CFAP74: variants seen among roughly 807,000 people sequenced by gnomAD.
The protein encoded by CFAP74 is cilia and flagella associated protein 74, also known as cilia- and flagella-associated protein 74.
Under a neutral mutation model 188.9 loss-of-function variants are expected in CFAP74, and 124 were observed. The ratio of observed to expected loss-of-function variants is 0.66; its 90% CI spans 0.57 to 0.76. CFAP74 has a LOEUF of 0.76. Among genes scored for constraint, CFAP74 ranks in the 30% least tolerant of loss-of-function variants. The pLI is 0.00. For synonymous variants in CFAP74, 956 were observed against 916.7 expected, an observed-to-expected ratio of 1.04 and a Z score of -0.77; for missense variants, 2,198 against 2,165.2, an observed-to-expected ratio of 1.02 and a Z score of -0.30.
Position 1,966,442 on chromosome 1 carries a change from T to C in CFAP74, c.1330A>G (p.Ser444Gly). ...TCAGCTAACGTTTCCTCCTCTGAGC[T>C]GGCCCCGGGGTCCCCCTGGATAAGC... ...SELIQGDPGA[S>G]SEEETLAEPE... The change falls in exon 12 of 39, where the codon AGC (serine) becomes GGC (glycine). Residue 444 changes from serine (S) to glycine (G), a missense_variant. Physicochemically the swap from Ser to Gly is moderately conservative, Grantham distance 56. Coordinates refer to ENST00000682832, the MANE Select transcript of CFAP74 (RefSeq NM_001304360.2). 1 of 1,606,764 alleles carries C rather than the reference T, an allele frequency of 6.2e-7. No homozygotes were observed.
intron 27 of CFAP74, 73 bp from the exon 28 acceptor site, chr1:1,927,819 T>C: frequency 6.8e-7 from 1 of 1,469,846 alleles, no homozygotes; most frequent in Non-Finnish European, 9.1e-7. Context: ...GTGGCTCCTC[T>C]GCGGCCAGTG....
chr1:1,926,153 C>T (rs1557984274), intron 32 of CFAP74, 75 bp downstream of exon 32: 4 of 1,456,162 alleles, frequency 2.7e-6, no homozygotes, highest in East Asian at 2.5e-5. Flanking sequence ...GTGATGCCCG[C>T]CCCGGCCAGT....
At chr1:1,960,174 G>A (rs925898772) in intron 14 of CFAP74, 144 bp from the exon 15 acceptor site, 2 of 687,080 alleles carry the variant, frequency 2.9e-6, no homozygotes, top group African/African-American at 3.8e-5. Flanking sequence ...CTTCACCCCG[G>A]GGAGTGCTGG....
Position 1,966,441 on chromosome 1 carries a change from C to G in CFAP74, c.1331G>C (p.Ser444Thr). The G allele has an allele frequency of 6.2e-7, 1 of 1,606,740 alleles. No individual in the cohort carries two copies. Among genetic ancestry groups the G allele is most frequent in the Non-Finnish European group, 8.5e-7 (1 of 1,175,950 alleles). Reference protein sequence around the residue: ...SELIQGDPGASSEEETLAEPE... With the variant: ...SELIQGDPGATSEEETLAEPE... The stretch of plus-strand genomic sequence containing the variant: ...CTCAGCTAACGTTTCCTCCTCTGAG[C>G]TGGCCCCGGGGTCCCCCTGGATAAG... The change falls in exon 12 of 39, where the codon AGC (serine) becomes ACC (threonine). Residue 444 changes from serine to threonine, a missense_variant. Transcript: ENST00000682832.
chr1:1,966,625 C>G, intron 11 of CFAP74, 99 bp from the exon 12 acceptor site: 1 of 1,160,402 alleles, frequency 8.6e-7, no homozygotes, highest in Non-Finnish European at 1.1e-6. Context: ...CGCTGCCTGC[C>G]CCCGTTCTTC....
At chr1:1,992,627 C>T (rs962518113) in intron 1 of CFAP74, among the ~76,000 whole-genome samples, 3 of 151,832 alleles carry the variant, frequency 2.0e-5, no homozygotes, top group African/African-American at 4.8e-5. Flanking sequence ...GCGCCCACCA[C>T]TACGCCCAGC....
intron 10 of CFAP74, among the ~76,000 whole-genome samples, 182 bp downstream of exon 10, chr1:1,970,477 C>T (rs1321255681): frequency 6.6e-6 from 1 of 152,186 alleles, no homozygotes; most frequent in Non-Finnish European, 1.5e-5. Context: ...CAGGCTGAGT[C>T]AGGCCCAGGC....
At position 1,926,943 on chromosome 1, in the gene CFAP74, C is replaced by T. The variant is rs1402208139; in HGVS notation, c.3613G>A (p.Ala1205Thr). The T allele has an allele frequency of 4.5e-6, 7 of 1,550,140 alleles. No individual in the cohort carries two copies. The East Asian group carries it at 1.7e-4, about 38-fold the overall frequency. Residue 1205 changes from alanine (A) to threonine (T), a missense_variant, in exon 29 of 39, where the codon GCC becomes ACC. Transcript: ENST00000682832. ...TTCCTGTCTTTGATGTCGCCACTGG[C>T]AACAACACAGGGAACTACAAATGTG... ...FDTFVVPCVV[A>T]SGDIKDRKGS...
chr1:1,967,418 T>G, intron 11 of CFAP74, among the ~76,000 whole-genome samples: 1 of 117,802 alleles, frequency 8.5e-6, no homozygotes, highest in African/African-American at 3.3e-5. Flanking sequence ...CCACAGAAAA[T>G]CGCAGGGAGC....
intron 20 of CFAP74, among the ~76,000 whole-genome samples, chr1:1,945,269 C>G (rs1292313450): frequency 6.6e-6 from 1 of 152,130 alleles, no homozygotes; most frequent in East Asian, 1.9e-4. Context: ...ACAGTGAGAT[C>G]TGCTTCTCCC....
intron 20 of CFAP74, among the ~76,000 whole-genome samples, chr1:1,945,010 A>G (rs1653651259): frequency 6.6e-6 from 1 of 152,202 alleles, no homozygotes; most frequent in African/African-American, 2.4e-5. Flanking sequence ...TTAGGTGTTT[A>G]AAAAAACCTT....
At chr1:1,972,165 C>T (rs1656130804) in intron 8 of CFAP74, 83 bp from the exon 9 acceptor site, 9 of 1,035,274 alleles carry the variant, frequency 8.7e-6, no homozygotes, top group East Asian at 4.8e-5. Context: ...TCTGCAGCCT[C>T]GACCTCCCAG....
intron 1 of CFAP74, among the ~76,000 whole-genome samples, chr1:2,002,166 G>C (rs987598101): frequency 2.6e-5 from 4 of 152,132 alleles, no homozygotes; most frequent in Non-Finnish European, 5.9e-5. Context: ...GGGGGCGACA[G>C]AGCATCATGA....
In CFAP74 at chr1:1,922,614, G is replaced by T. The variant is rs1356369759; in HGVS notation, c.4793C>A (p.Ser1598Tyr). Residue 1598 changes from serine to tyrosine, a missense_variant, in exon 38 of 39, where the codon TCC becomes TAC. Physicochemically the swap from Ser to Tyr is moderately radical, Grantham distance 144. Coordinates refer to ENST00000682832, the MANE Select transcript of CFAP74 (RefSeq NM_001304360.2). ...ERGQTKTISI[S>Y]WVPPADFDPD... ...ATCAAAGTCCGCAGGTGGCACCCAGGAGATGCTGATGGTCTTCGTCTGGCC... is the reference window on the plus strand; with the variant it reads ...ATCAAAGTCCGCAGGTGGCACCCAGTAGATGCTGATGGTCTTCGTCTGGCC... The T allele has an allele frequency of 1.9e-6, 3 of 1,607,718 alleles. No homozygotes were observed. Among genetic ancestry groups the T allele is most frequent in the South Asian group, 2.2e-5 (2 of 90,208 alleles).
At position 1,973,538 on chromosome 1, in the gene CFAP74, G is replaced by A. The variant is rs1393810377; in HGVS notation, c.674+487C>T. Among the ~76,000 whole-genome samples the A allele has an allele frequency of 6.6e-6, 1 of 152,124 alleles. No individual in the cohort carries two copies. The highest frequency in any genetic ancestry group is 1.5e-5 in the Non-Finnish European group (1 of 68,022). On this transcript the variant is annotated intron_variant, in intron 7 of 38. Transcript: ENST00000682832. This position sits in a 1 kb window ranked among gnomAD's most constrained non-coding sequence, Gnocchi z 6.2. ...GCCTGATGGCCTGTGGAGCACTTGGGGACTGGCCTAGTAGGTGGCCGGGCC... is the reference window on the plus strand; with the variant it reads ...GCCTGATGGCCTGTGGAGCACTTGGAGACTGGCCTAGTAGGTGGCCGGGCC...
chr1:1,943,712 G>A (rs150956236), intron 21 of CFAP74, among the ~76,000 whole-genome samples: 76 of 152,354 alleles, frequency 5.0e-4, no homozygotes, highest in Non-Finnish European at 1.0e-4. Flanking sequence ...CAGGCGGGCA[G>A]TGCGTTTCCT....
In CFAP74 at chr1:1,963,834, T is replaced by A. The variant is rs1207463434; in HGVS notation, c.1609A>T (p.Ile537Phe). The stretch of plus-strand genomic sequence containing the variant: ...GTGTAGGTGGTGTTTACCAACGTGA[T>A]CTTTTTCTTGTACACTTTGCCAATA... ...FDIGKVYKKK[I>F]TLVNTTYTIN... Residue 537 changes from isoleucine to phenylalanine, a missense_variant, in exon 14 of 39, where the codon ATC (isoleucine) becomes TTC (phenylalanine). Ile to Phe is a conservative substitution (Grantham distance 21, BLOSUM62 0). Coordinates refer to ENST00000682832, the MANE Select transcript of CFAP74 (RefSeq NM_001304360.2). 6.2e-7 allele frequency: 1 copy of A among 1,613,910 alleles called. No homozygotes were observed. The highest frequency in any genetic ancestry group is 8.5e-7 in the Non-Finnish European group (1 of 1,179,922).
intron 26 of CFAP74, 119 bp from the exon 27 acceptor site, chr1:1,929,001 G>T: frequency 1.5e-6 from 1 of 649,744 alleles, no homozygotes; most frequent in Non-Finnish European, 2.6e-6. Context: ...TCCCCCTTGA[G>T]ATTTCAGGCT....
At chr1:1,983,262 A>G (rs1343948483) in intron 6 of CFAP74, among the ~76,000 whole-genome samples, 1 of 152,250 alleles carries the variant, frequency 6.6e-6, no homozygotes, top group Non-Finnish European at 1.5e-5. Context: ...GAGGGATGCC[A>G]GCGCTCGTGT....
Sources: gnomAD v4.1 joint callset for allele counts (sites outside exome capture counted in the v4.1 genomes callset) on GRCh38, gnomAD v4.1.1 for gene constraint, Gnocchi (gnomAD v3.1) non-coding constraint, MANE v1.5 for transcripts, NCBI Gene and HGNC (gene_info 2026-07-23, HGNC 2026-07-21) for gene names.